The following RRP15 variants were observed in gnomAD, a reference collection of about 807,000 sequenced individuals.
RRP15 encodes ribosomal RNA processing 15 homolog.
RRP15 carries 18 observed loss-of-function variants against 27.1 expected under a neutral mutation model. The ratio of observed to expected loss-of-function variants is 0.66; its 90% CI spans 0.46 to 0.98. The LOEUF (loss-of-function observed/expected upper bound fraction) is 0.98. Among genes scored for constraint, RRP15 ranks in the 50% least tolerant of loss-of-function variants. RRP15 has a pLI of 0.00. For missense variants in RRP15, 359 were observed against 337.8 expected (o/e 1.06, Z -0.49); for synonymous variants, 107 against 109.4 (o/e 0.98, Z 0.14).
Position 218,335,952 on chromosome 1 carries a change from T to C in RRP15, c.*4861T>C, listed in dbSNP as rs572954219. 103 of 152,340 alleles carry C rather than the reference T, an allele frequency of 6.8e-4. No individual in the cohort carries two copies. The highest frequency in any genetic ancestry group is 2.4e-3 in the African/African-American group (100 of 41,576). The allele number at this position is 152,340 out of a possible 1,614,324, so 9.4% of individuals were successfully genotyped here. A position where few individuals can be genotyped will look rare whatever the true frequency, so the allele number is the denominator to read the frequency against. ...AATAGCATTTGGTTTTTTAGCATTA[T>C]TTATCATCTGAGGCTTTCAGAATTA... On this transcript the variant is annotated 3_prime_UTR_variant, in exon 5 of 5. Coordinates refer to ENST00000366932, the MANE Select transcript of RRP15 (RefSeq NM_016052.4).
intron 1 of RRP15, among the ~76,000 whole-genome samples, chr1:218,287,052 A>C (rs1478125347): frequency 2.2e-4 from 29 of 129,656 alleles, no homozygotes; most frequent in Admixed American, 4.1e-4. Context: ...CTCCTCCCCC[A>C]CCGCCCCCCA....
chr1:218,302,201 G>C, intron 1 of RRP15, 93 bp from the exon 2 acceptor site: 1 of 915,824 alleles, frequency 1.1e-6, no homozygotes, highest in South Asian at 1.6e-5. Context: ...CAAAAATGGG[G>C]ACAGGCAGAG....
chr1:218,314,023 T>C (rs142842007), intron 4 of RRP15, among the ~76,000 whole-genome samples: 148 of 151,950 alleles, frequency 9.7e-4, no homozygotes, highest in South Asian at 5.6e-3. Flanking sequence ...TGTTTTGTTA[T>C]TTTATTATTT....
At chr1:218,314,754 A>T (rs1432787119) in intron 4 of RRP15, among the ~76,000 whole-genome samples, 1 of 152,016 alleles carries the variant, frequency 6.6e-6, no homozygotes, top group Non-Finnish European at 1.5e-5. Context: ...GCACTTTGGG[A>T]GGCCGAGGCA....
At chr1:218,318,282 A>G (rs1656121651) in intron 4 of RRP15, among the ~76,000 whole-genome samples, 1 of 152,202 alleles carries the variant, frequency 6.6e-6, no homozygotes, top group Non-Finnish European at 1.5e-5. Flanking sequence ...CATATACCAT[A>G]CAATTAAAAT....
intron 1 of RRP15, chr1:218,301,340 G>A (rs1412767838): frequency 6.6e-6 from 1 of 152,218 alleles, no homozygotes; most frequent in Admixed American, 6.5e-5. Flanking sequence ...GCAGGTTTCT[G>A]AAGAACAGAA....
chr1:218,291,865 T>G (rs1471937281), intron 1 of RRP15, among the ~76,000 whole-genome samples: 1 of 142,114 alleles, frequency 7.0e-6, no homozygotes, highest in Non-Finnish European at 1.5e-5. Context: ...TAAGACAAAG[T>G]CTTGGTCTGT....
At chr1:218,297,840 G>A (rs985123260) in intron 1 of RRP15, among the ~76,000 whole-genome samples, 5 of 152,130 alleles carry the variant, frequency 3.3e-5, no homozygotes, top group Non-Finnish European at 5.9e-5. Context: ...GCACACACCT[G>A]GAGTATGAAC....
In RRP15 at chr1:218,335,990, T is replaced by C. The variant is rs1382963039; in HGVS notation, c.*4899T>C. The C allele has an allele frequency of 6.6e-6, 1 of 152,330 alleles. No individual in the cohort carries two copies. The highest frequency in any genetic ancestry group is 1.9e-4 in the East Asian group (1 of 5,188). 9.4% of individuals were successfully genotyped at this position (152,330 alleles called of 1,614,324 possible). The stretch of plus-strand genomic sequence containing the variant: ...GCTTTCAGAATTAATGCACCAAACC[T>C]TAAATATTTTTGTTGTTCTCTAAAA... On this transcript the variant is annotated 3_prime_UTR_variant, in exon 5 of 5. Transcript: ENST00000366932.
intron 4 of RRP15, among the ~76,000 whole-genome samples, chr1:218,314,132 G>A (rs1000174107): frequency 6.6e-6 from 1 of 152,018 alleles, no homozygotes; most frequent in Admixed American, 6.5e-5. Flanking sequence ...TGGGATTACA[G>A]GCATGAGCCA....
chr1:218,303,985 A>C (rs930969522), intron 2 of RRP15, among the ~76,000 whole-genome samples: 1 of 152,184 alleles, frequency 6.6e-6, no homozygotes, highest in African/African-American at 2.4e-5. Flanking sequence ...ACTGTTTCAA[A>C]CTTAAAAGTA....
intron 4 of RRP15, among the ~76,000 whole-genome samples, chr1:218,325,338 TTTC>T (rs1208377781): frequency 6.6e-6 from 1 of 152,208 alleles, no homozygotes; most frequent in African/African-American, 2.4e-5. Context: ...TATCCCATGT[TTTC>T]TTCTTTTTGT....
At chr1:218,293,083 T>G (rs890414913) in intron 1 of RRP15, among the ~76,000 whole-genome samples, 9 of 151,712 alleles carry the variant, frequency 5.9e-5, no homozygotes, top group South Asian at 2.1e-4. Context: ...GTGTGCAGTG[T>G]GGCATGATCA....
intron 1 of RRP15, among the ~76,000 whole-genome samples, chr1:218,291,236 G>C (rs1484001094): frequency 2.0e-5 from 3 of 151,912 alleles, no homozygotes; most frequent in African/African-American, 7.3e-5. Context: ...TCAGGAATTT[G>C]AGACCAGCCT....
intron 3 of RRP15, 112 bp downstream of exon 3, chr1:218,305,237 T>A: frequency 1.3e-6 from 1 of 742,068 alleles, no homozygotes; most frequent in Non-Finnish European, 2.3e-6. Context: ...CCAAGTGATA[T>A]ATATCTAAGC....
At chr1:218,303,553 A>G (rs1366244434) in intron 2 of RRP15, among the ~76,000 whole-genome samples, 1 of 152,182 alleles carries the variant, frequency 6.6e-6, no homozygotes, top group Non-Finnish European at 1.5e-5. Flanking sequence ...TTCAACTGAA[A>G]ATTTGAATCT....
chr1:218,323,912 T>G (rs1571808469), intron 4 of RRP15, among the ~76,000 whole-genome samples: 1 of 152,112 alleles, frequency 6.6e-6, no homozygotes, highest in Non-Finnish European at 1.5e-5. Context: ...GAGAAGATAC[T>G]TCCGAGCCTG....
intron 1 of RRP15, among the ~76,000 whole-genome samples, chr1:218,294,154 C>T (rs1655685139): frequency 1.3e-5 from 2 of 152,160 alleles, no homozygotes; most frequent in African/African-American, 4.8e-5. Context: ...TATTTTCTCA[C>T]TCAGCCACTC....
In RRP15 at chr1:218,335,554, ACTG is replaced by A. The variant is rs992328193; in HGVS notation, c.*4464_*4466del. 1 of 152,232 alleles carries A rather than the reference ACTG, an allele frequency of 6.6e-6. No individual in the cohort carries two copies. The highest frequency in any genetic ancestry group is 1.5e-5 in the Non-Finnish European group (1 of 68,044). 9.4% of individuals were successfully genotyped at this position (152,232 alleles called of 1,614,324 possible). ...ATGGTAGCCACTCGCAGAGGTGACT[ACTG>A]AGCATTTCACGTGTGGCTTGTGATA... is the stretch of plus-strand genomic sequence containing the variant. On this transcript the variant is annotated 3_prime_UTR_variant, in exon 5 of 5. Transcript: ENST00000366932.
Sources: allele counts gnomAD v4.1 joint callset (sites outside exome capture counted in the v4.1 genomes callset), GRCh38; gene constraint gnomAD v4.1.1; transcripts MANE v1.5; gene names NCBI Gene and HGNC (gene_info 2026-07-23, HGNC 2026-07-21).